TSPAN15: variants seen among roughly 807,000 people sequenced by gnomAD.
TSPAN15 encodes tetraspanin 15.
In TSPAN15, 20 loss-of-function variants were observed where a neutral mutation model predicts 34.5. That is an observed-to-expected ratio of 0.58 (90% CI 0.41 to 0.84). The LOEUF (loss-of-function observed/expected upper bound fraction) is 0.84, where lower values mean the gene tolerates loss of function less well. Ranked by LOEUF, TSPAN15 falls within the 40% of genes least tolerant of loss-of-function variation. The pLI is 0.00. For missense variants in TSPAN15, 313 were observed against 386.1 expected, an observed-to-expected ratio of 0.81 and a Z score of 1.59; for synonymous variants, 155 against 153.9, an observed-to-expected ratio of 1.01 and a Z score of -0.05.
the TSPAN15 span, among the ~76,000 whole-genome samples, chr10:69,543,417 A>G: frequency 6.6e-6 from 1 of 152,132 alleles, no homozygotes; most frequent in African/African-American, 2.4e-5. Context: ...GGACATTTGG[A>G]GGGATGCACT....
chr10:69,506,055 C>A lies in TSPAN15; in HGVS notation c.619-69C>A. 7.5e-7 allele frequency: 1 copy of A among 1,340,526 alleles called. No individual in the cohort carries two copies. Among genetic ancestry groups the A allele is most frequent in the Non-Finnish European group, 1.1e-6 (1 of 941,716 alleles). The allele number at this position is 1,340,526 out of a possible 1,614,324, so 83.0% of individuals were successfully genotyped here. ...ACTAGCCTGGACCTTGTGTACATGGCAGAGTCGGGGCTGTGGCTCCTGCCA... is the reference window on the plus strand; with the variant it reads ...ACTAGCCTGGACCTTGTGTACATGGAAGAGTCGGGGCTGTGGCTCCTGCCA... On this transcript the variant is annotated intron_variant, in intron 6 of 7. Transcript: ENST00000373290. The surrounding 1 kb of genome is among the most constrained non-coding windows in gnomAD (Gnocchi z 4.7).
At chr10:69,528,370 G>T in the TSPAN15 span, among the ~76,000 whole-genome samples, 2 of 148,712 alleles carry the variant, frequency 1.3e-5, 1 homozygote, top group East Asian at 5.0e-4. Flanking sequence ...CTCCCTAAAG[G>T]GCAGCAGCTC....
chr10:69,516,619 G>A, the TSPAN15 span, among the ~76,000 whole-genome samples: 1 of 152,204 alleles, frequency 6.6e-6, no homozygotes, highest in African/African-American at 2.4e-5. Flanking sequence ...GTCTCTGTGA[G>A]GAGGACATGG....
chr10:69,490,891 T>A (rs1287778870), intron 3 of TSPAN15, among the ~76,000 whole-genome samples: 1 of 152,266 alleles, frequency 6.6e-6, no homozygotes, highest in East Asian at 1.9e-4. Context: ...TGTTTGAATC[T>A]GCGGGTACGG....
the TSPAN15 span, among the ~76,000 whole-genome samples, chr10:69,516,054 A>C: frequency 5.3e-5 from 8 of 152,216 alleles, no homozygotes; most frequent in African/African-American, 1.9e-4. Context: ...GATAGATGAG[A>C]CTTTCCCATT....
chr10:69,493,751 C>T (rs1169562696), intron 3 of TSPAN15, among the ~76,000 whole-genome samples: 3 of 152,170 alleles, frequency 2.0e-5, no homozygotes, highest in African/African-American at 4.8e-5. Context: ...GGATTACAGG[C>T]GTGAGCCACT....
At position 69,483,672 on chromosome 10, in the gene TSPAN15, C is replaced by T; in HGVS notation, c.97-19C>T. 1 of 1,609,878 alleles carries T rather than the reference C, an allele frequency of 6.2e-7. No individual in the cohort carries two copies. The highest frequency in any genetic ancestry group is 8.5e-7 in the Non-Finnish European group (1 of 1,177,098). On this transcript the variant is annotated intron_variant, in intron 1 of 7. Coordinates refer to ENST00000373290, the MANE Select transcript of TSPAN15 (RefSeq NM_012339.5). ...AAGTGACCTCAGTCTCTCTCTCACC[C>T]TCTGTTTTCTTGCTGCAGCTGATTG...
At chr10:69,542,161 TC>T in the TSPAN15 span, among the ~76,000 whole-genome samples, 1 of 152,180 alleles carries the variant, frequency 6.6e-6, no homozygotes, top group Non-Finnish European at 1.5e-5. Context: ...TCCACAGATC[TC>T]TAGGGCAGGG....
At chr10:69,518,425 A>G in the TSPAN15 span, among the ~76,000 whole-genome samples, 1 of 151,948 alleles carries the variant, frequency 6.6e-6, no homozygotes, top group Admixed American at 6.6e-5. Context: ...TAAACTCTTG[A>G]TTTTTTTTCT....
At chr10:69,529,163 TC>T in the TSPAN15 span, among the ~76,000 whole-genome samples, 1 of 148,046 alleles carries the variant, frequency 6.8e-6, no homozygotes, top group Non-Finnish European at 1.5e-5. Context: ...AGTGAGTCCT[TC>T]CCGGGTTCCC....
intron 3 of TSPAN15, among the ~76,000 whole-genome samples, chr10:69,492,725 A>T (rs941648871): frequency 6.6e-6 from 1 of 152,182 alleles, no homozygotes; most frequent in South Asian, 2.1e-4. Flanking sequence ...CCCCACAGCC[A>T]CAGAGCAGCC....
At chr10:69,454,063 T>A (rs1228226052) in intron 1 of TSPAN15, among the ~76,000 whole-genome samples, 2 of 151,938 alleles carry the variant, frequency 1.3e-5, no homozygotes, top group African/African-American at 2.4e-5. Context: ...AAGCCTATTA[T>A]CTCTGGTGCC....
chr10:69,477,408 C>T (rs533943050), intron 1 of TSPAN15, among the ~76,000 whole-genome samples: 13 of 152,116 alleles, frequency 8.5e-5, no homozygotes, highest in African/African-American at 2.2e-4. Flanking sequence ...CCACTGCACC[C>T]GGCCACCTTT....
chr10:69,524,810 C>G, the TSPAN15 span, among the ~76,000 whole-genome samples: 1 of 144,574 alleles, frequency 6.9e-6, no homozygotes, highest in South Asian at 2.2e-4. Flanking sequence ...GACGAAGTCT[C>G]GCTCTTGTCA....
At chr10:69,485,273 C>G in intron 3 of TSPAN15, 58 bp downstream of exon 3, 1 of 1,444,064 alleles carries the variant, frequency 6.9e-7, no homozygotes, top group Middle Eastern at 1.8e-4. Context: ...CTGTGGGTGC[C>G]TTGGGCTAAC....
the TSPAN15 span, among the ~76,000 whole-genome samples, chr10:69,517,820 G>A: frequency 6.6e-6 from 1 of 152,298 alleles, no homozygotes; most frequent in Non-Finnish European, 1.5e-5. Context: ...GGCAACCCAT[G>A]CATCCAATGC....
chr10:69,538,249 G>T, the TSPAN15 span, among the ~76,000 whole-genome samples: 1 of 152,170 alleles, frequency 6.6e-6, no homozygotes, highest in Admixed American at 6.5e-5. Context: ...TGATATGGGG[G>T]TTTGCCTGGT....
chr10:69,482,965 AT>A (rs201958040), intron 1 of TSPAN15, among the ~76,000 whole-genome samples: 29 of 151,066 alleles, frequency 1.9e-4, no homozygotes, highest in South Asian at 4.2e-4. Context: ...GGCAGGGTTG[AT>A]TTTTTTTTTT....
At chr10:69,505,972 ATCTAGGGTCACCT>A in intron 6 of TSPAN15, 139 bp from the exon 7 acceptor site, 2 of 624,844 alleles carry the variant, frequency 3.2e-6, no homozygotes, top group Non-Finnish European at 5.6e-6. Flanking sequence ...AAGAATCAGA[ATCTAGGGTCACCT>A]TCTCATGCTG....
Sources: gnomAD v4.1 joint callset for allele counts (sites outside exome capture counted in the v4.1 genomes callset) on GRCh38, gnomAD v4.1.1 for gene constraint, Gnocchi (gnomAD v3.1) non-coding constraint, MANE v1.5 for transcripts, NCBI Gene and HGNC (gene_info 2026-07-23, HGNC 2026-07-21) for gene names.